GDE1: variants seen among roughly 807,000 people sequenced by gnomAD.
GDE1 encodes the protein glycerophosphodiester phosphodiesterase 1, also known as RGS16-interacting membrane protein.
Under a neutral mutation model 32.2 loss-of-function variants are expected in GDE1, and 24 were observed. The observed-to-expected ratio is 0.75, with a 90% CI of 0.54 to 1.05. The LOEUF (loss-of-function observed/expected upper bound fraction) is 1.05. Ranked by LOEUF, GDE1 falls within the 50% of genes least tolerant of loss-of-function variation. The pLI is 0.00. For missense variants in GDE1, 380 were observed against 415.0 expected (o/e 0.92, Z 0.73); for synonymous variants, 159 against 158.6 (o/e 1.00, Z -0.02).
Position 19,502,374 on chromosome 16 carries a change from CTTTTTTTTTTTTTTTT to C in GDE1, c.*1080_*1095del, listed in dbSNP as rs59519757. 9 of 82,206 alleles carry C rather than the reference CTTTTTTTTTTTTTTTT, an allele frequency of 1.1e-4. No individual in the cohort carries two copies. The East Asian group carries it at 2.1e-3, about 19-fold the overall frequency. The allele number at this position is 82,206 out of a possible 1,614,324, so 5.1% of individuals were successfully genotyped here. On this transcript the variant is annotated 3_prime_UTR_variant, in exon 6 of 6. Coordinates refer to ENST00000353258, the MANE Select transcript of GDE1 (RefSeq NM_016641.4). ...AAGATGTTCTAGAAGTTCTAGTTATCTTTTTTTTTTTTTTTTTTTTTTTTTTTTTAAGAGTCAGGTT... is the reference window on the plus strand; with the variant it reads ...AAGATGTTCTAGAAGTTCTAGTTATCTTTTTTTTTTTTTAAGAGTCAGGTT...
intron 1 of GDE1, among the ~76,000 whole-genome samples, chr16:19,519,507 G>A (rs1173604735): frequency 2.0e-5 from 3 of 151,206 alleles, no homozygotes; most frequent in East Asian, 2.0e-4. Context: ...ACAATATAGT[G>A]TAAACATAAC....
chr16:19,521,093 A>G (rs1567340586), intron 1 of GDE1: 2 of 152,474 alleles, frequency 1.3e-5, no homozygotes, highest in African/African-American at 4.8e-5. Context: ...CCAAGAACCT[A>G]TTTGACCTGA....
At position 19,522,037 on chromosome 16, in the gene GDE1, G is replaced by T; in HGVS notation, c.-73C>A. On this transcript the variant is annotated 5_prime_UTR_variant, in exon 1 of 6. Transcript: ENST00000353258. ...CCTGGGGCAGTAGAACGAGAAGCGA[G>T]GGGGAGGGTCCAAGGCACCGGCAGC... 6.9e-7 allele frequency: 1 copy of T among 1,454,378 alleles called. No individual in the cohort carries two copies. 90.1% of individuals were successfully genotyped at this position (1,454,378 alleles called of 1,614,324 possible).
At chr16:19,520,094 G>A (rs1354414346) in intron 1 of GDE1, among the ~76,000 whole-genome samples, 5 of 152,030 alleles carry the variant, frequency 3.3e-5, no homozygotes, top group African/African-American at 1.2e-4. Flanking sequence ...TAGAATTTCT[G>A]GTAGATTATA....
Position 19,522,020 on chromosome 16 carries a change from A to T in GDE1, c.-56T>A, listed in dbSNP as rs1397694936. ...CCCGGACCCGCCGGGCTCCTGGGGCAGTAGAACGAGAAGCGAGGGGGAGGG... is the reference window on the plus strand; with the variant it reads ...CCCGGACCCGCCGGGCTCCTGGGGCTGTAGAACGAGAAGCGAGGGGGAGGG... On this transcript the variant is annotated 5_prime_UTR_variant, in exon 1 of 6. Transcript: ENST00000353258. 6.7e-7 allele frequency: 1 copy of T among 1,490,994 alleles called. No individual in the cohort carries two copies. The allele number at this position is 1,490,994 out of a possible 1,614,324, so 92.4% of individuals were successfully genotyped here.
At chr16:19,515,718 A>G (rs1272476547) in intron 2 of GDE1, among the ~76,000 whole-genome samples, 2 of 152,174 alleles carry the variant, frequency 1.3e-5, no homozygotes, top group Non-Finnish European at 2.9e-5. Flanking sequence ...TTCCTTCGGC[A>G]GACTAATGTT....
intron 1 of GDE1, chr16:19,521,142 C>T (rs1223362536): frequency 2.0e-5 from 3 of 153,088 alleles, no homozygotes; most frequent in African/African-American, 7.2e-5. Flanking sequence ...TCTTTGTTCT[C>T]TTCCTTGAAG....
At position 19,503,394 on chromosome 16, in the gene GDE1, A is replaced by G. The variant is rs555491834; in HGVS notation, c.*76T>C. ...CACCTGATTCCCCAGGGCCTGGGCT[A>G]GCACAAAGGGTATTTTGATATCCCT... On this transcript the variant is annotated 3_prime_UTR_variant, in exon 6 of 6. Transcript: ENST00000353258. 11 of 1,307,836 alleles carry G rather than the reference A, an allele frequency of 8.4e-6. No homozygotes were observed. The East Asian group carries it at 2.3e-4, about 27-fold the overall frequency. The allele number at this position is 1,307,836 out of a possible 1,614,324, so 81.0% of individuals were successfully genotyped here. A position where few individuals can be genotyped will look rare whatever the true frequency, so the allele number is the denominator to read the frequency against.
chr16:19,513,099 G>A (rs982666520), intron 2 of GDE1, among the ~76,000 whole-genome samples: 1 of 151,904 alleles, frequency 6.6e-6, no homozygotes, highest in African/African-American at 2.4e-5. Context: ...GCTTCTTTAC[G>A]GTTCCATATG....
At chr16:19,511,792 T>C (rs1423026996) in intron 2 of GDE1, among the ~76,000 whole-genome samples, 1 of 152,124 alleles carries the variant, frequency 6.6e-6, no homozygotes, top group Non-Finnish European at 1.5e-5. Context: ...TTAGCTCCCA[T>C]ATATGAGTGA....
At chr16:19,509,771 C>T (rs1394678307) in intron 3 of GDE1, among the ~76,000 whole-genome samples, 1 of 151,638 alleles carries the variant, frequency 6.6e-6, no homozygotes, top group Non-Finnish European at 1.5e-5. Flanking sequence ...AGCGATTCTC[C>T]TGCCTCAGCC....
intron 5 of GDE1, 163 bp from the exon 6 acceptor site, chr16:19,503,780 A>G: frequency 1.7e-6 from 1 of 599,078 alleles, no homozygotes; most frequent in South Asian, 2.1e-5. Flanking sequence ...AAAACCCAGG[A>G]TGCCATGAAC....
rs1306535130 is a variant in GDE1 at position 19,518,632 on chromosome 16, G to A, written c.262-1443C>T. ...AGGTAATTACCATCTTAAAGTTGGT[G>A]TATATCATTCTCATGTCACTCCCTT... On this transcript the variant is annotated intron_variant, in intron 1 of 5. Coordinates refer to ENST00000353258, the MANE Select transcript of GDE1 (RefSeq NM_016641.4). Among the ~76,000 whole-genome samples the A allele has an allele frequency of 2.0e-5, 3 of 152,280 alleles. No homozygotes were observed. In the East Asian group the frequency reaches 5.8e-4, roughly 29 times the overall value.
At chr16:19,515,388 T>C (rs1597236467) in intron 2 of GDE1, among the ~76,000 whole-genome samples, 2 of 152,218 alleles carry the variant, frequency 1.3e-5, no homozygotes, top group African/African-American at 4.8e-5. Context: ...ACTGAGATAA[T>C]ATGTTGCCTT....
rs1226978473 is a variant in GDE1 at position 19,510,870 on chromosome 16, A to G, written c.512T>C (p.Ile171Thr). The G allele has an allele frequency of 6.3e-7, 1 of 1,597,336 alleles. No individual in the cohort carries two copies. Among genetic ancestry groups the G allele is most frequent in the East Asian group, 2.3e-5 (1 of 44,318 alleles). Residue 171 changes from isoleucine (I) to threonine (T), a missense_variant, in exon 3 of 6, where the codon ATC (isoleucine) becomes ACC (threonine). Physicochemically the swap from Ile to Thr is moderately conservative, Grantham distance 89. Transcript: ENST00000353258. ...VAECLNHNLTIFFDVKGHAHK... is the reference protein window; with the variant it reads ...VAECLNHNLTTFFDVKGHAHK... ...TGCATGGCCTTTGACATCAAAGAAG[A>G]TTGTGAGGTTATGGTTTAGGCACTC...
intron 1 of GDE1, 32 bp from the exon 2 acceptor site, chr16:19,517,221 A>C (rs1969393037): frequency 1.3e-6 from 2 of 1,559,626 alleles, no homozygotes; most frequent in Non-Finnish European, 1.8e-6. Context: ...ATTACTGTCA[A>C]ATGGCCACAA....
At chr16:19,509,722 G>A (rs369084889) in intron 3 of GDE1, among the ~76,000 whole-genome samples, 2 of 150,028 alleles carry the variant, frequency 1.3e-5, no homozygotes, top group East Asian at 2.0e-4. Context: ...TACTACTGGC[G>A]CAATCTCGGC....
intron 3 of GDE1, among the ~76,000 whole-genome samples, chr16:19,508,053 G>A (rs895933026): frequency 1.3e-5 from 2 of 152,176 alleles, no homozygotes; most frequent in African/African-American, 4.8e-5. Context: ...GTGGTAAGCC[G>A]TAGGTCAGAT....
At position 19,514,676 on chromosome 16, in the gene GDE1, C is replaced by T. The variant is rs73544136; in HGVS notation, c.437+2338G>A. 5.4e-3 allele frequency among the ~76,000 whole-genome samples: 822 copies of T among 152,186 alleles called. 8 individuals are homozygous for T. The highest frequency in any genetic ancestry group is 0.018 in the African/African-American group (759 of 41,536). ...GAAAATGAAAACTAAGTGCTTGATA[C>T]AAAAGAAATTAGCTTTTCTCTCATA... On this transcript the variant is annotated intron_variant, in intron 2 of 5. Coordinates refer to ENST00000353258, the MANE Select transcript of GDE1 (RefSeq NM_016641.4).
Sources: allele counts gnomAD v4.1 joint callset (sites outside exome capture counted in the v4.1 genomes callset), GRCh38; gene constraint gnomAD v4.1.1; transcripts MANE v1.5; gene names NCBI Gene and HGNC (gene_info 2026-07-23, HGNC 2026-07-21).